NCF2: variants seen among roughly 807,000 people sequenced by gnomAD.
The protein encoded by NCF2 is neutrophil cytosol factor 2.
Under a neutral mutation model 70.9 loss-of-function variants are expected in NCF2, and 45 were observed. The observed-to-expected ratio is 0.63, with a 90% CI of 0.50 to 0.81. The LOEUF (loss-of-function observed/expected upper bound fraction) is 0.81, where lower values mean the gene tolerates loss of function less well. NCF2 is among the 40% of genes least tolerant of loss of function. The pLI is 0.00. For synonymous variants in NCF2, 203 were observed against 233.6 expected, an observed-to-expected ratio of 0.87 and a Z score of 1.19; for missense variants, 522 against 631.6, an observed-to-expected ratio of 0.83 and a Z score of 1.86.
intron 11 of NCF2, 124 bp from the exon 12 acceptor site, chr1:183,563,709 G>GT: frequency 8.0e-7 from 1 of 1,246,916 alleles, no homozygotes; most frequent in Non-Finnish European, 1.2e-6. Context: ...AGGCCAGTAA[G>GT]TAACTGGTTT....
chr1:183,569,469 G>A (rs571175552), intron 6 of NCF2, among the ~76,000 whole-genome samples: 1 of 152,262 alleles, frequency 6.6e-6, no homozygotes, highest in South Asian at 2.1e-4. Context: ...CAGCAACATG[G>A]TGTCACAAGA....
chr1:183,565,267 C>T (rs1672250539), intron 10 of NCF2, among the ~76,000 whole-genome samples: 4 of 152,198 alleles, frequency 2.6e-5, no homozygotes, highest in African/African-American at 9.7e-5. Context: ...TTCACATCTG[C>T]CCATTGGTTC....
chr1:183,598,274 C>A, the NCF2 span: 2 of 152,058 alleles, frequency 1.3e-5, no homozygotes, highest in South Asian at 2.1e-4. Context: ...TTGTTGTATG[C>A]CAAAAAATAG....
intron 4 of NCF2, 146 bp downstream of exon 4, chr1:183,574,341 T>G: frequency 8.0e-7 from 1 of 1,249,280 alleles, no homozygotes; most frequent in Admixed American, 1.7e-5. Flanking sequence ...TTCAAGATCT[T>G]AAGTGGAACT....
intron 1 of NCF2, 127 bp downstream of exon 1, chr1:183,590,029 G>T: frequency 7.2e-7 from 1 of 1,397,592 alleles, no homozygotes; most frequent in Non-Finnish European, 1.0e-6. Context: ...GGCTGTCTAG[G>T]GGTGGAGCTT....
intron 5 of NCF2, among the ~76,000 whole-genome samples, chr1:183,572,684 A>C (rs184130919): frequency 6.6e-6 from 1 of 152,248 alleles, no homozygotes; most frequent in Admixed American, 6.5e-5. Context: ...CTGTTGCCCA[A>C]GCTAGAGTAC....
At position 183,555,724 on chromosome 1, in the gene NCF2, GT is replaced by G. The variant is rs771465757; in HGVS notation, c.*393del. On this transcript the variant is annotated 3_prime_UTR_variant, in exon 15 of 15. Coordinates refer to ENST00000367535, the MANE Select transcript of NCF2 (RefSeq NM_000433.4). ...GTGTCTTGTTTTTGTAAGATGCTAG[GT>G]TTTTTTTTATTGTGGTATGACACAG... 51 of 199,828 alleles carry G rather than the reference GT, an allele frequency of 2.6e-4. No homozygotes were observed. The highest frequency in any genetic ancestry group is 4.2e-4 in the South Asian group (5 of 11,814). 12.4% of individuals were successfully genotyped at this position (199,828 alleles called of 1,614,324 possible).
intron 5 of NCF2, among the ~76,000 whole-genome samples, chr1:183,572,608 G>A (rs939398317): frequency 2.6e-5 from 4 of 152,096 alleles, no homozygotes; most frequent in African/African-American, 7.2e-5. Context: ...AGGATCCCAT[G>A]CTGATCTCTT....
chr1:183,570,809 A>C lies in NCF2; in HGVS notation c.640T>G (p.Phe214Val), dbSNP rs1480292323. The C allele has an allele frequency of 1.2e-6, 2 of 1,614,214 alleles. No homozygotes were observed. The highest frequency in any genetic ancestry group is 1.7e-6 in the Non-Finnish European group (2 of 1,180,042). Residue 214 changes from phenylalanine to valine, a missense_variant, in exon 6 of 15, where the codon TTC becomes GTC. By Grantham distance (50) the Phe-to-Val change is conservative. Coordinates refer to ENST00000367535, the MANE Select transcript of NCF2 (RefSeq NM_000433.4). ...GGTTGCAGAGGGGCAAACCCAGAGAAACTGTCTTGATCCACCACAGATGCC... is the reference window on the plus strand; with the variant it reads ...GGTTGCAGAGGGGCAAACCCAGAGACACTGTCTTGATCCACCACAGATGCC... Reference protein sequence around the residue: ...VVASVVDQDSFSGFAPLQPQA... With the variant: ...VVASVVDQDSVSGFAPLQPQA...
chr1:183,590,814 G>A (rs1673606999), upstream of NCF2: 1 of 192,384 alleles, frequency 5.2e-6, no homozygotes, highest in South Asian at 8.3e-5. Context: ...TAGGCAGATA[G>A]GGGCAGGTCC....
chr1:183,566,072 T>C (rs1212813118), intron 9 of NCF2, among the ~76,000 whole-genome samples: 1 of 152,212 alleles, frequency 6.6e-6, no homozygotes, highest in Non-Finnish European at 1.5e-5. Flanking sequence ...CCACTGGCCG[T>C]GGGGCAGGAC....
Position 183,560,191 on chromosome 1 carries a change from T to C in NCF2, c.1373A>G (p.Lys458Arg). ...GAAGAGTGCCTCCACTTGGCTGCCT[T>C]TCTTAAGCTGAGGTTCTGTTGTCTG... ...NNQTTEPQLK[K>R]GSQVEALFSY... Residue 458 changes from lysine to arginine, a missense_variant, in exon 14 of 15, where the codon AAA becomes AGA. Coordinates refer to ENST00000367535, the MANE Select transcript of NCF2 (RefSeq NM_000433.4). 6.2e-7 allele frequency: 1 copy of C among 1,614,184 alleles called. No individual in the cohort carries two copies. Among genetic ancestry groups the C allele is most frequent in the Non-Finnish European group, 8.5e-7 (1 of 1,180,038 alleles).
the NCF2 span, among the ~76,000 whole-genome samples, chr1:183,599,412 T>C: frequency 1.4e-5 from 2 of 145,806 alleles, no homozygotes; most frequent in African/African-American, 5.1e-5. Flanking sequence ...TTTTCTTTCT[T>C]TCTTTCTTTC....
upstream of NCF2, among the ~76,000 whole-genome samples, chr1:183,592,815 C>A (rs1673711564): frequency 1.3e-5 from 2 of 152,140 alleles, no homozygotes; most frequent in Admixed American, 1.3e-4. Flanking sequence ...CTAGCCTTAT[C>A]CCCAGAACTT....
intron 10 of NCF2, 29 bp from the exon 11 acceptor site, chr1:183,564,059 A>G: frequency 6.2e-7 from 1 of 1,602,190 alleles, no homozygotes; most frequent in Non-Finnish European, 8.6e-7. Context: ...GAGTAAAACA[A>G]AAGAAGATGG....
At chr1:183,580,842 G>T (rs926696702) in intron 2 of NCF2, among the ~76,000 whole-genome samples, 1 of 152,006 alleles carries the variant, frequency 6.6e-6, no homozygotes, top group Admixed American at 6.6e-5. Flanking sequence ...AGCCGGGCGT[G>T]GTGGTGCGTG....
At chr1:183,601,216 G>A in the NCF2 span, among the ~76,000 whole-genome samples, 1 of 152,108 alleles carries the variant, frequency 6.6e-6, no homozygotes, top group African/African-American at 2.4e-5. Context: ...TATCATTAGA[G>A]GTAAAGTTCT....
chr1:183,599,769 T>C, the NCF2 span, among the ~76,000 whole-genome samples: 21 of 151,954 alleles, frequency 1.4e-4, no homozygotes, highest in Non-Finnish European at 2.6e-4. Context: ...GCCAGGCTGG[T>C]CTCAAACTCC....
upstream of NCF2, among the ~76,000 whole-genome samples, chr1:183,594,325 T>G (rs1212820651): frequency 1.3e-5 from 2 of 152,138 alleles, no homozygotes; most frequent in Non-Finnish European, 2.9e-5. Flanking sequence ...GGAGGATCAT[T>G]TGAGCTCAGG....
Sources: allele counts gnomAD v4.1 joint callset (sites outside exome capture counted in the v4.1 genomes callset), GRCh38; gene constraint gnomAD v4.1.1; transcripts MANE v1.5; gene names NCBI Gene and HGNC (gene_info 2026-07-23, HGNC 2026-07-21).